Variants in IRF1 observed in about 807,000 individuals in gnomAD.
The protein encoded by IRF1 is interferon regulatory factor 1.
In IRF1, 13 loss-of-function variants were observed where a neutral mutation model predicts 43.7. That is an observed-to-expected ratio of 0.30 (90% CI 0.19 to 0.47). IRF1 has a LOEUF of 0.47. IRF1 is among the 20% of genes least tolerant of loss of function. IRF1 has a pLI of 0.99. For synonymous variants in IRF1, 138 were observed against 146.8 expected (o/e 0.94, Z 0.43); for missense variants, 236 against 408.9 (o/e 0.58, Z 3.65).
At chr5:132,487,782 A>G (rs931823593) in intron 3 of IRF1, 144 bp downstream of exon 3, 1 of 612,924 alleles carries the variant, frequency 1.6e-6, no homozygotes, top group African/African-American at 1.8e-5. Flanking sequence ...CAGAAACACA[A>G]GTCTGCCACC....
At chr5:132,487,324 G>C (rs1335625910) in intron 3 of IRF1, 194 bp from the exon 4 acceptor site, 1 of 617,638 alleles carries the variant, frequency 1.6e-6, no homozygotes, top group East Asian at 2.8e-5. Flanking sequence ...GCCCAGGCTT[G>C]GCTTAAACAC....
intron 7 of IRF1, 112 bp from the exon 8 acceptor site, chr5:132,485,828 G>GCC: frequency 1.8e-6 from 1 of 555,628 alleles, no homozygotes; most frequent in Non-Finnish European, 3.3e-6. Flanking sequence ...CTGTCTCTCT[G>GCC]ACACACACAC....
chr5:132,485,859 T>A, intron 7 of IRF1, 143 bp from the exon 8 acceptor site: 1 of 604,160 alleles, frequency 1.7e-6, no homozygotes, highest in Non-Finnish European at 2.9e-6. Flanking sequence ...ACCCTCCCGG[T>A]GGACCTATCT....
Position 132,484,052 on chromosome 5 carries a change from G to T in IRF1, c.877C>A (p.Arg293Ser). 6.2e-7 allele frequency: 1 copy of T among 1,613,982 alleles called. No homozygotes were observed. Among genetic ancestry groups the T allele is most frequent in the Non-Finnish European group, 8.5e-7 (1 of 1,179,956 alleles). ...ATGTTCTTCAGATCTGTGAAGACAC[G>T]CTGTAGACTCAGCCCAATATCCCCT... ...PGGDIGLSLQ[R>S]VFTDLKNMDA... Residue 293 changes from arginine (R) to serine (S), a missense_variant, in exon 10 of 10, where the codon CGT becomes AGT. Physicochemically the swap from Arg to Ser is moderately radical, Grantham distance 110 (BLOSUM62 -1). Coordinates refer to ENST00000245414, the MANE Select transcript of IRF1 (RefSeq NM_002198.3).
intron 3 of IRF1, 190 bp downstream of exon 3, chr5:132,487,736 C>G: frequency 5.1e-6 from 3 of 585,320 alleles, no homozygotes. Context: ...TGGCTTTTCC[C>G]TTTGAGAATT....
intron 9 of IRF1, 105 bp from the exon 10 acceptor site, chr5:132,484,180 C>T: frequency 6.7e-7 from 1 of 1,488,624 alleles, no homozygotes; most frequent in East Asian, 2.3e-5. Flanking sequence ...CTTCCCAGCA[C>T]AGCAGTAAAC....
rs1038764450 is a variant in IRF1 at position 132,488,002 on chromosome 5, T to C, written c.111A>G (p.Pro37=). ...INKEEMIFQI[P]WKHAAKHGWD... Reference sequence around the variant, plus strand: ...AGCCATGCTTGGCAGCATGCTTCCATGGGATCTGGAAGATCATCTCCTCCT... The same window carrying C: ...AGCCATGCTTGGCAGCATGCTTCCACGGGATCTGGAAGATCATCTCCTCCT... The change falls in exon 3 of 10, where the codon CCA becomes CCG. Residue 37 remains proline, a synonymous_variant. Coordinates refer to ENST00000245414, the MANE Select transcript of IRF1 (RefSeq NM_002198.3). 5 of 1,612,642 alleles carry C rather than the reference T, an allele frequency of 3.1e-6. No homozygotes were observed. Among genetic ancestry groups the C allele is most frequent in the Middle Eastern group, 1.7e-4 (1 of 6,060 alleles).
At chr5:132,489,543 C>CA in intron 1 of IRF1, 60 bp from the exon 2 acceptor site, 6 of 1,350,700 alleles carry the variant, frequency 4.4e-6, no homozygotes, top group Non-Finnish European at 5.3e-6. Flanking sequence ...TGGGCAGTGA[C>CA]CTGCCCCACC....
rs1754585368 is a variant in IRF1, at chr5:132,487,963, C to T, written c.150G>A (p.Lys50=). ...CCCAGCTCCGGAACAAACAGGCATC[C>T]TTGTTGATGTCCCAGCCATGCTTGG... is the stretch of plus-strand genomic sequence containing the variant. ...HAAKHGWDIN[K]DACLFRSWAI... is the part of the protein sequence containing the mutation. The change falls in exon 3 of 10, where the codon AAG becomes AAA. Residue 50 remains lysine, a synonymous_variant. Transcript: ENST00000245414. 1.2e-6 allele frequency: 2 copies of T among 1,613,530 alleles called. No individual in the cohort carries two copies. The highest frequency in any genetic ancestry group is 1.7e-5 in the Admixed American group (1 of 60,006).
intron 7 of IRF1, 47 bp from the exon 8 acceptor site, chr5:132,485,763 C>A: frequency 1.3e-6 from 2 of 1,503,160 alleles, no homozygotes; most frequent in South Asian, 2.3e-5. Flanking sequence ...CAGCCACACT[C>A]ACCCTGCAGT....
At chr5:132,484,127 G>A (rs1561602780) in intron 9 of IRF1, 52 bp from the exon 10 acceptor site, 1 of 1,603,252 alleles carries the variant, frequency 6.2e-7, no homozygotes, top group Non-Finnish European at 8.5e-7. Flanking sequence ...GGCATCAGGT[G>A]TGCTTCCCCC....
intron 9 of IRF1, 57 bp from the exon 10 acceptor site, chr5:132,484,132 TC>T: frequency 6.3e-7 from 1 of 1,597,650 alleles, no homozygotes. Context: ...CAGGTGTGCT[TC>T]CCCCTACCCC....
In IRF1 at chr5:132,485,657, G is replaced by C; in HGVS notation, c.717+10C>G. The C allele has an allele frequency of 6.2e-7, 1 of 1,608,508 alleles. No individual in the cohort carries two copies. Among genetic ancestry groups the C allele is most frequent in the South Asian group, 1.1e-5 (1 of 90,956 alleles). The stretch of plus-strand genomic sequence containing the variant: ...CACTTCAAGAGTGCCCAGGTAGGAA[G>C]GGGCTTTACCTTCATGATGTCCTCA... On this transcript the variant is annotated intron_variant, in intron 8 of 9. Coordinates refer to ENST00000245414, the MANE Select transcript of IRF1 (RefSeq NM_002198.3).
intron 7 of IRF1, 42 bp from the exon 8 acceptor site, chr5:132,485,758 A>G (rs1754502829): frequency 6.5e-7 from 1 of 1,540,330 alleles, no homozygotes; most frequent in Non-Finnish European, 9.0e-7. Context: ...GCAGTCAGCC[A>G]CACTCACCCT....
intron 8 of IRF1, chr5:132,484,838 T>C: frequency 5.0e-6 from 1 of 199,126 alleles, no homozygotes; most frequent in Non-Finnish European, 1.0e-5. Flanking sequence ...AAAAGATGAC[T>C]AGAAAAGCTA....
rs1381670680 is a variant in IRF1, at chr5:132,481,735, C to CA, written c.*2215dup. The CA allele has an allele frequency of 6.6e-6, 1 of 152,266 alleles. No individual in the cohort carries two copies. The highest frequency in any genetic ancestry group is 2.4e-5 in the African/African-American group (1 of 41,466). The allele number at this position is 152,266 out of a possible 1,614,324, so 9.4% of individuals were successfully genotyped here. On this transcript the variant is annotated 3_prime_UTR_variant, in exon 10 of 10. Coordinates refer to ENST00000245414, the MANE Select transcript of IRF1 (RefSeq NM_002198.3). ...TGCCTACTGTATTGAACGGTACAGA[C>CA]AGAGCATTTCATCACTCTAGAAACT...
chr5:132,484,488 G>C lies in IRF1; in HGVS notation c.727C>G (p.Gln243Glu). 6.2e-7 allele frequency: 1 copy of C among 1,614,164 alleles called. No individual in the cohort carries two copies. Among genetic ancestry groups the C allele is most frequent in the South Asian group, 1.1e-5 (1 of 91,088 alleles). ...LPEDIMKLLEQSEWQPTNVDG... is the reference protein window; with the variant it reads ...LPEDIMKLLEESEWQPTNVDG... ...ACGTTTGTTGGCTGCCACTCCGACT[G>C]CTCCAAGAGCTGGGGACAGAAGAGC... Residue 243 changes from glutamine (Q) to glutamate (E), a missense_variant, in exon 9 of 10, where the codon CAG becomes GAG. Physicochemically the swap from Gln to Glu is conservative, Grantham distance 29. This residue lies in a region of IRF1 where 170 missense variants were observed against 251.8 expected (regional missense o/e 0.68). Transcript: ENST00000245414.
chr5:132,483,986 A>C lies in IRF1; in HGVS notation c.943T>G (p.Leu315Val). The part of the protein sequence containing the change: ...WLDSLLTPVR[L>V]PSIQAIPCAP ...CAGGGAATGGCCTGGATGGAGGGCA[A>C]CCGGACTGGGGTCAGCAGGCTGTCC... Residue 315 changes from leucine to valine, a missense_variant, in exon 10 of 10, where the codon TTG (leucine) becomes GTG (valine). Around this residue, in one of 2 missense-constraint regions of IRF1, gnomAD observed 170 missense variants for 251.8 expected, o/e 0.68. Coordinates refer to ENST00000245414, the MANE Select transcript of IRF1 (RefSeq NM_002198.3). 6.2e-7 allele frequency: 1 copy of C among 1,613,784 alleles called. No individual in the cohort carries two copies. The highest frequency in any genetic ancestry group is 8.5e-7 in the Non-Finnish European group (1 of 1,179,996).
Position 132,489,634 on chromosome 5 carries a change from T to C in IRF1, c.-5-151A>G, listed in dbSNP as rs77811607. 1.3e-3 allele frequency: 794 copies of C among 591,334 alleles called. 9 individuals are homozygous for C. Among genetic ancestry groups the C allele is most frequent in the African/African-American group, 0.013 (721 of 54,178 alleles). The allele number at this position is 591,334 out of a possible 1,614,324, so 36.6% of individuals were successfully genotyped here. ...AGTGCGGAGGGGAGCTGCGCTGGAA[T>C]AAAACTGCTCTCCAAATTTTTTCAG... On this transcript the variant is annotated intron_variant, in intron 1 of 9. Transcript: ENST00000245414.
Sources: gnomAD v4.1 joint callset for allele counts on GRCh38, gnomAD v4.1.1 for gene constraint, gnomAD v4.1.1 regional missense constraint, MANE v1.5 for transcripts, NCBI Gene and HGNC (gene_info 2026-07-23, HGNC 2026-07-21) for gene names.